The following ITPRID2 variants were observed in gnomAD, a reference collection of about 807,000 sequenced individuals.
ITPRID2 encodes the protein protein ITPRID2.
A neutral mutation model predicts 124.3 loss-of-function variants in ITPRID2; 60 were observed. The observed-to-expected ratio is 0.48, with a 90% CI of 0.39 to 0.60. ITPRID2 has a LOEUF of 0.60. Ranked by LOEUF, ITPRID2 falls within the 20% of genes least tolerant of loss-of-function variation. The pLI is 0.00. For missense variants in ITPRID2, 1,553 were observed against 1,512.2 expected (o/e 1.03, Z -0.45); for synonymous variants, 521 against 542.9 (o/e 0.96, Z 0.56).
Position 181,892,872 on chromosome 2 carries a change from T to C in ITPRID2, c.257+212T>C. The stretch of plus-strand genomic sequence containing the variant: ...TTGGTGACCGTGTTGACTTTACAGT[T>C]AGGACTTGAGCTACTCACGCATCGT... On this transcript the variant is annotated intron_variant, in intron 2 of 17. Coordinates refer to ENST00000431877, the MANE Select transcript of ITPRID2 (RefSeq NM_001130445.3). The surrounding 1 kb of genome is among the most constrained non-coding windows in gnomAD (Gnocchi z 5.2). 3.3e-6 allele frequency: 2 copies of C among 611,836 alleles called. No homozygotes were observed. The highest frequency in any genetic ancestry group is 2.9e-6 in the Non-Finnish European group (1 of 343,974). The allele number at this position is 611,836 out of a possible 1,614,324, so 37.9% of individuals were successfully genotyped here.
intron 11 of ITPRID2, chr2:181,916,662 C>T: frequency 1.4e-6 from 1 of 716,024 alleles, no homozygotes; most frequent in Non-Finnish European, 2.0e-6. Context: ...GTCTCCTTTC[C>T]AAGAGGAGAG....
At chr2:181,926,537 C>T (rs948723695) in intron 16 of ITPRID2, among the ~76,000 whole-genome samples, 24 of 152,020 alleles carry the variant, frequency 1.6e-4, no homozygotes, top group Non-Finnish European at 3.1e-4. Flanking sequence ...CATGGTGAAA[C>T]CCCGTCTCTA....
At chr2:181,900,333 T>C (rs1393010248) in intron 6 of ITPRID2, among the ~76,000 whole-genome samples, 1 of 152,316 alleles carries the variant, frequency 6.6e-6, no homozygotes, top group East Asian at 1.9e-4. Context: ...TCTGCTTTAA[T>C]CTGTTCATTC....
chr2:181,928,141 T>C lies in ITPRID2; in HGVS notation c.3676-20T>C. On this transcript the variant is annotated intron_variant, in intron 16 of 17. Coordinates refer to ENST00000431877, the MANE Select transcript of ITPRID2 (RefSeq NM_001130445.3). ...CCATTCATATTGGTAAATTTTTGTT[T>C]TATTGTTTTTCCAATCTAGATTAAA... 2.0e-6 allele frequency: 3 copies of C among 1,471,820 alleles called. No homozygotes were observed. The highest frequency in any genetic ancestry group is 2.6e-5 in the Admixed American group (1 of 38,950). The allele number at this position is 1,471,820 out of a possible 1,614,324, so 91.2% of individuals were successfully genotyped here.
intron 8 of ITPRID2, among the ~76,000 whole-genome samples, chr2:181,904,642 A>C (rs563712721): frequency 9.9e-5 from 15 of 152,282 alleles, no homozygotes; most frequent in African/African-American, 3.6e-4. Context: ...ACCTCTTTCC[A>C]TGAGGTTTGA....
At chr2:181,922,609 A>G (rs112645562) in intron 16 of ITPRID2, among the ~76,000 whole-genome samples, 197 bp downstream of exon 16, 464 of 152,352 alleles carry the variant, frequency 3.0e-3, no homozygotes, top group African/African-American at 0.011. Context: ...TGCAAATTTC[A>G]TACTCTAATG....
intron 13 of ITPRID2, 106 bp downstream of exon 13, chr2:181,918,988 G>A: frequency 7.1e-7 from 1 of 1,415,896 alleles, no homozygotes; most frequent in Non-Finnish European, 9.5e-7. Flanking sequence ...TGTGTACCTT[G>A]TATCTGTTTT....
At chr2:181,895,668 C>G (rs369542168) in intron 2 of ITPRID2, among the ~76,000 whole-genome samples, 77 of 151,932 alleles carry the variant, frequency 5.1e-4, no homozygotes, top group African/African-American at 1.8e-3. Context: ...ATTCTGTTTT[C>G]TTTTTTGATG....
chr2:181,897,033 G>A, intron 4 of ITPRID2, 69 bp downstream of exon 4: 3 of 1,338,644 alleles, frequency 2.2e-6, no homozygotes, highest in Non-Finnish European at 3.2e-6. Context: ...AAAGCTGAAT[G>A]GTTTCAGGTT....
rs1693957628 is a variant in ITPRID2 at position 181,915,483 on chromosome 2, G to A, written c.1843G>A (p.Gly615Arg). ...AACTAAACAGTCCACCTGTAGTCCA[G>A]GGGATCATATCATTGAAATTACTGA... ...TGTKQSTCSPGDHIIEITEVE... is the reference protein window; with the variant it reads ...TGTKQSTCSPRDHIIEITEVE... The change falls in exon 11 of 18, where the codon GGG (glycine) becomes AGG (arginine). Residue 615 changes from glycine to arginine, a missense_variant. Gly to Arg is a moderately radical substitution (Grantham distance 125, BLOSUM62 -2). Coordinates refer to ENST00000431877, the MANE Select transcript of ITPRID2 (RefSeq NM_001130445.3). The A allele has an allele frequency of 6.2e-7, 1 of 1,614,110 alleles. No individual in the cohort carries two copies. The highest frequency in any genetic ancestry group is 1.3e-5 in the African/African-American group (1 of 74,946).
In ITPRID2 at chr2:181,922,247, A is replaced by G; in HGVS notation, c.3510A>G (p.Pro1170=). ...GAACAGGCTCTGTGCAGACACCTCC[A>G]GATTTGGAAAGTTCTGAGGAAGTTG... ...PSRTGSVQTP[P]DLESSEEVDA... Residue 1170 remains proline, a synonymous_variant, in exon 16 of 18, where the codon CCA becomes CCG. Coordinates refer to ENST00000431877, the MANE Select transcript of ITPRID2 (RefSeq NM_001130445.3). The G allele has an allele frequency of 1.2e-6, 2 of 1,614,234 alleles. No individual in the cohort carries two copies. Among genetic ancestry groups the G allele is most frequent in the Non-Finnish European group, 1.7e-6 (2 of 1,180,044 alleles).
At chr2:181,925,836 A>G (rs186721894) in intron 16 of ITPRID2, among the ~76,000 whole-genome samples, 35 of 152,290 alleles carry the variant, frequency 2.3e-4, no homozygotes, top group African/African-American at 6.7e-4. Flanking sequence ...CTCCACTGTC[A>G]TCTGAAATTG....
chr2:181,892,904 A>G lies in ITPRID2; in HGVS notation c.257+244A>G. The G allele has an allele frequency of 1.7e-6, 1 of 580,612 alleles. No homozygotes were observed. The highest frequency in any genetic ancestry group is 3.1e-6 in the Non-Finnish European group (1 of 323,840). The allele number at this position is 580,612 out of a possible 1,614,324, so 36.0% of individuals were successfully genotyped here. Reference sequence around the variant, plus strand: ...TGAGCTACTCACGCATCGTGTTAGCATCAGAGATCAGAAATCCAGAACAGA... The same window carrying G: ...TGAGCTACTCACGCATCGTGTTAGCGTCAGAGATCAGAAATCCAGAACAGA... On this transcript the variant is annotated intron_variant, in intron 2 of 17. Coordinates refer to ENST00000431877, the MANE Select transcript of ITPRID2 (RefSeq NM_001130445.3). The surrounding 1 kb of genome is among the most constrained non-coding windows in gnomAD (Gnocchi z 5.2).
chr2:181,904,619 A>G (rs578248872), intron 8 of ITPRID2, among the ~76,000 whole-genome samples: 11 of 152,188 alleles, frequency 7.2e-5, no homozygotes, highest in African/African-American at 1.7e-4. Flanking sequence ...GTTTGTTGCT[A>G]TTTTTCTTTT....
Position 181,910,527 on chromosome 2 carries a change from A to G in ITPRID2, c.1486+556A>G. On this transcript the variant is annotated intron_variant, in intron 9 of 17. Transcript: ENST00000431877. This position sits in a 1 kb window ranked among gnomAD's most constrained non-coding sequence, Gnocchi z 4.1. ...TTTGAATCCATCCCTTTCACTTTTA[A>G]CTTGCAACAACAACAACAACAAAAA... 1.5e-6 allele frequency: 1 copy of G among 656,076 alleles called. No individual in the cohort carries two copies. The allele number at this position is 656,076 out of a possible 1,614,324, so 40.6% of individuals were successfully genotyped here. A position where few individuals can be genotyped will look rare whatever the true frequency, so the allele number is the denominator to read the frequency against.
In ITPRID2 at chr2:181,916,307, C is replaced by T; in HGVS notation, c.2667C>T (p.Tyr889=). 1.9e-6 allele frequency: 3 copies of T among 1,614,222 alleles called. No individual in the cohort carries two copies. The highest frequency in any genetic ancestry group is 2.5e-6 in the Non-Finnish European group (3 of 1,180,044). Residue 889 remains tyrosine, a synonymous_variant, in exon 11 of 18, where the codon TAC becomes TAT. Transcript: ENST00000431877. ...TCGCTTCCCCTTTCGGGTGTCCTTA[C>T]TCACATAGACATGCCACCTACCCTT... ...SAFASPFGCP[Y]SHRHATYPYR... is the part of the protein sequence containing the mutation.
At chr2:181,924,757 T>C (rs980086215) in intron 16 of ITPRID2, among the ~76,000 whole-genome samples, 10 of 152,234 alleles carry the variant, frequency 6.6e-5, no homozygotes, top group African/African-American at 2.4e-4. Context: ...GAAAGTCTTT[T>C]CAGACAAATA....
Position 181,918,809 on chromosome 2 carries a change from C to T in ITPRID2, c.2920C>T (p.Gln974Ter), listed in dbSNP as rs576369806. 6.2e-7 allele frequency: 1 copy of T among 1,614,044 alleles called. No homozygotes were observed. Among genetic ancestry groups the T allele is most frequent in the Non-Finnish European group, 8.5e-7 (1 of 1,180,026 alleles). ...MRRSLNLFRT[Q>*]MMDLELAMLR... is the part of the protein sequence containing the mutation. ...GCGGAGCCTGAATTTGTTTAGAACA[C>T]AAATGATGGATTTAGAATTGGCAAT... The change falls in exon 13 of 18, where the codon CAA becomes TAA. Residue 974 changes from glutamine to a stop codon, truncating the protein, a stop_gained. Coordinates refer to ENST00000431877, the MANE Select transcript of ITPRID2 (RefSeq NM_001130445.3). LOFTEE classifies it high-confidence loss of function.
chr2:181,926,463 C>G (rs1694864236), intron 16 of ITPRID2, among the ~76,000 whole-genome samples: 1 of 151,968 alleles, frequency 6.6e-6, no homozygotes, highest in Non-Finnish European at 1.5e-5. Flanking sequence ...CCTGTAATCC[C>G]AGCACTTTGG....
Sources: gnomAD v4.1 joint callset for allele counts (sites outside exome capture counted in the v4.1 genomes callset) on GRCh38, gnomAD v4.1.1 for gene constraint, Gnocchi (gnomAD v3.1) non-coding constraint, MANE v1.5 for transcripts, NCBI Gene and HGNC (gene_info 2026-07-23, HGNC 2026-07-21) for gene names.